The following CDH12 variants were observed in gnomAD, a reference collection of about 807,000 sequenced individuals.
CDH12 encodes the protein cadherin-12.
In CDH12, 41 loss-of-function variants were observed where a neutral mutation model predicts 74.1. The ratio of observed to expected loss-of-function variants is 0.55; its 90% CI spans 0.43 to 0.72. The LOEUF is 0.72. Ranked by LOEUF, CDH12 falls within the 30% of genes least tolerant of loss-of-function variation. The pLI is 0.00. For synonymous variants in CDH12, 399 were observed against 355.0 expected, an observed-to-expected ratio of 1.12 and a Z score of -1.39; for missense variants, 945 against 977.2, an observed-to-expected ratio of 0.97 and a Z score of 0.44.
chr5:22,091,245 A>G (rs935894457), intron 4 of CDH12, among the ~76,000 whole-genome samples: 3 of 149,256 alleles, frequency 2.0e-5, no homozygotes, highest in African/African-American at 7.4e-5. Flanking sequence ...TTTAAAGTAT[A>G]TACATATAGT....
chr5:22,337,854 C>A (rs751519501), intron 3 of CDH12, among the ~76,000 whole-genome samples: 10 of 152,100 alleles, frequency 6.6e-5, no homozygotes, highest in African/African-American at 9.7e-5. Context: ...AAATGCCAGA[C>A]AAAACCACAA....
At chr5:21,845,219 T>C (rs550807502) in intron 7 of CDH12, among the ~76,000 whole-genome samples, 1 of 152,246 alleles carries the variant, frequency 6.6e-6, no homozygotes, top group East Asian at 1.9e-4. Context: ...TATGTAAAGA[T>C]AGTGTTTATT....
At chr5:22,037,892 C>T (rs1561045640) in intron 5 of CDH12, among the ~76,000 whole-genome samples, 1 of 152,122 alleles carries the variant, frequency 6.6e-6, no homozygotes, top group Non-Finnish European at 1.5e-5. Flanking sequence ...CCACCTCATT[C>T]CCGAGTCAGG....
intron 1 of CDH12, among the ~76,000 whole-genome samples, chr5:22,818,287 C>G (rs1749492546): frequency 6.6e-6 from 1 of 152,146 alleles, no homozygotes; most frequent in African/African-American, 2.4e-5. Context: ...GACAGCTCTA[C>G]TTTTCTGTCA....
chr5:22,713,778 A>G (rs1439481822), intron 1 of CDH12, among the ~76,000 whole-genome samples: 1 of 152,142 alleles, frequency 6.6e-6, no homozygotes, highest in Non-Finnish European at 1.5e-5. Context: ...GTCTTATAAC[A>G]TCCTACTGCT....
chr5:22,729,239 C>G (rs1356029304), intron 1 of CDH12, among the ~76,000 whole-genome samples: 1 of 151,728 alleles, frequency 6.6e-6, no homozygotes, highest in East Asian at 1.9e-4. Context: ...GTTCTCATCT[C>G]AGTTTCAGGA....
At chr5:22,147,989 A>G (rs1747317560) in intron 4 of CDH12, among the ~76,000 whole-genome samples, 1 of 152,128 alleles carries the variant, frequency 6.6e-6, no homozygotes, top group Non-Finnish European at 1.5e-5. Context: ...TTCCTTACTA[A>G]CTCACACCAG....
At chr5:22,117,911 T>A (rs1335369346) in intron 4 of CDH12, among the ~76,000 whole-genome samples, 1 of 152,050 alleles carries the variant, frequency 6.6e-6, no homozygotes, top group Non-Finnish European at 1.5e-5. Flanking sequence ...TTACAATAAT[T>A]CAATAAGATT....
At chr5:22,163,176 C>T (rs1415480213) in intron 4 of CDH12, among the ~76,000 whole-genome samples, 5 of 152,140 alleles carry the variant, frequency 3.3e-5, no homozygotes, top group African/African-American at 4.8e-5. Context: ...CCACCGCTCC[C>T]GGCCCCCTCT....
intron 1 of CDH12, among the ~76,000 whole-genome samples, chr5:22,639,385 G>A (rs930173856): frequency 1.3e-5 from 2 of 150,696 alleles, no homozygotes; most frequent in Non-Finnish European, 2.9e-5. Context: ...AATGTGGCTG[G>A]GCAAGTTTTT....
chr5:22,541,687 T>A (rs188086459), intron 1 of CDH12, among the ~76,000 whole-genome samples: 108 of 152,330 alleles, frequency 7.1e-4, no homozygotes, highest in African/African-American at 2.5e-3. Flanking sequence ...TTTTAAAATC[T>A]CCACAAGTAT....
chr5:22,060,776 A>G (rs570390106), intron 5 of CDH12, among the ~76,000 whole-genome samples: 4 of 152,236 alleles, frequency 2.6e-5, no homozygotes, highest in Admixed American at 2.6e-4. Context: ...TTAAGACTGT[A>G]TCTTTTTCCA....
At chr5:22,143,873 A>G (rs1023784494) in intron 4 of CDH12, 2 of 152,372 alleles carry the variant, frequency 1.3e-5, no homozygotes, top group African/African-American at 4.8e-5. Flanking sequence ...TTGTAAAAAT[A>G]TCAGTTTTAC....
At chr5:22,359,691 C>G (rs1740715372) in intron 3 of CDH12, among the ~76,000 whole-genome samples, 1 of 152,128 alleles carries the variant, frequency 6.6e-6, no homozygotes, top group African/African-American at 2.4e-5. Context: ...TAAAGCACTC[C>G]TCAGCAAATG....
At chr5:22,348,750 T>C (rs1740231434) in intron 3 of CDH12, among the ~76,000 whole-genome samples, 1 of 152,202 alleles carries the variant, frequency 6.6e-6, no homozygotes, top group African/African-American at 2.4e-5. Flanking sequence ...TTATTTCAAG[T>C]ATTTAAAAGA....
At chr5:22,058,453 C>T (rs1041163153) in intron 5 of CDH12, among the ~76,000 whole-genome samples, 58 of 152,018 alleles carry the variant, frequency 3.8e-4, no homozygotes, top group African/African-American at 1.3e-3. Context: ...TGTATTTGTC[C>T]CCAGCAGTAA....
At chr5:22,652,944 C>T (rs1739817592) in intron 1 of CDH12, among the ~76,000 whole-genome samples, 1 of 151,816 alleles carries the variant, frequency 6.6e-6, no homozygotes, top group Admixed American at 6.6e-5. Context: ...AACTGTATGC[C>T]CAAATAAACA....
chr5:22,294,012 T>G (rs1165286766), intron 3 of CDH12, among the ~76,000 whole-genome samples: 1 of 152,188 alleles, frequency 6.6e-6, no homozygotes, highest in Non-Finnish European at 1.5e-5. Flanking sequence ...AGGTAATGCA[T>G]ATGTTAACTA....
intron 1 of CDH12, among the ~76,000 whole-genome samples, chr5:22,720,507 G>C (rs451822): frequency 0.78 from 118,998 of 152,042 alleles, 47,133 homozygotes; most frequent in Non-Finnish European, 0.85. Flanking sequence ...TGCAGAGAGT[G>C]GGGGCACTGC....
Sources: allele counts gnomAD v4.1 joint callset (sites outside exome capture counted in the v4.1 genomes callset), GRCh38; gene constraint gnomAD v4.1.1; transcripts MANE v1.5; gene names NCBI Gene and HGNC (gene_info 2026-07-23, HGNC 2026-07-21).